BACH2: variants seen among roughly 807,000 people sequenced by gnomAD.
BACH2 encodes transcription regulator protein BACH2.
BACH2 carries 5 observed loss-of-function variants against 61.8 expected under a neutral mutation model. The ratio of observed to expected loss-of-function variants is 0.08; its 90% confidence interval spans 0.04 to 0.17. The LOEUF (loss-of-function observed/expected upper bound fraction) is 0.17, where lower values mean the gene tolerates loss of function less well. BACH2 is among the 10% of genes least tolerant of loss of function. BACH2 has a pLI of 1.00. For synonymous variants in BACH2, 446 were observed against 440.1 expected, an observed-to-expected ratio of 1.01 and a Z score of -0.17; for missense variants, 824 against 1,091.1, an observed-to-expected ratio of 0.76 and a Z score of 3.45.
At chr6:89,969,994 A>C (rs993873792) in intron 6 of BACH2, among the ~76,000 whole-genome samples, 5 of 152,202 alleles carry the variant, frequency 3.3e-5, no homozygotes, top group African/African-American at 9.7e-5. Context: ...GCTTGGAAAA[A>C]ATAAAAATCC....
chr6:90,193,245 T>C (rs1238303721), intron 4 of BACH2, among the ~76,000 whole-genome samples: 2 of 152,212 alleles, frequency 1.3e-5, no homozygotes, highest in African/African-American at 4.8e-5. Context: ...GAAAGTGACC[T>C]TATTTGAAAA....
intron 5 of BACH2, among the ~76,000 whole-genome samples, chr6:90,079,131 C>T (rs1781606434): frequency 1.3e-5 from 2 of 152,170 alleles, no homozygotes; most frequent in African/African-American, 4.8e-5. Flanking sequence ...TTTCTTCTAG[C>T]CACAAACGGA....
chr6:90,182,669 G>A (rs1333862205), intron 4 of BACH2, among the ~76,000 whole-genome samples: 1 of 152,140 alleles, frequency 6.6e-6, no homozygotes, highest in Non-Finnish European at 1.5e-5. Flanking sequence ...TAATTCACAA[G>A]GTAAATAAGT....
chr6:90,053,052 A>G (rs1780134260), intron 5 of BACH2, among the ~76,000 whole-genome samples: 1 of 152,116 alleles, frequency 6.6e-6, no homozygotes, highest in Non-Finnish European at 1.5e-5. Context: ...TTCTTTTAGC[A>G]GTTACCCTTG....
chr6:90,285,852 T>C (rs1772003288), intron 1 of BACH2, among the ~76,000 whole-genome samples: 1 of 152,334 alleles, frequency 6.6e-6, no homozygotes, highest in East Asian at 1.9e-4. Context: ...AGTGCTGACA[T>C]GCTAAATTAC....
intron 4 of BACH2, among the ~76,000 whole-genome samples, chr6:90,183,001 A>G (rs1768220838): frequency 6.6e-6 from 1 of 152,204 alleles, no homozygotes; most frequent in African/African-American, 2.4e-5. Flanking sequence ...TAATATTTTG[A>G]GAACACACCA....
intron 2 of BACH2, among the ~76,000 whole-genome samples, chr6:90,268,828 TAC>T (rs1347342205): frequency 1.3e-5 from 2 of 152,120 alleles, no homozygotes; most frequent in Non-Finnish European, 2.9e-5. Context: ...CTATTGAGAA[TAC>T]ATGCTAATAT....
intron 4 of BACH2, among the ~76,000 whole-genome samples, chr6:90,101,368 T>C (rs1782619014): frequency 6.6e-6 from 1 of 152,242 alleles, no homozygotes; most frequent in Non-Finnish European, 1.5e-5. Context: ...TTTTAGAATT[T>C]TTGCTTGCAT....
intron 5 of BACH2, among the ~76,000 whole-genome samples, chr6:90,014,468 ATTTTTTT>A (rs1164045089): frequency 2.5e-3 from 81 of 32,232 alleles, no homozygotes; most frequent in Middle Eastern, 0.025. Flanking sequence ...ATATATATAT[ATTTTTTT>A]TTTTTTTTTT....
intron 4 of BACH2, among the ~76,000 whole-genome samples, chr6:90,170,554 T>C (rs1469891225): frequency 6.6e-6 from 1 of 152,214 alleles, no homozygotes; most frequent in Non-Finnish European, 1.5e-5. Context: ...AACTCCATTT[T>C]AGAAGACCAA....
At chr6:90,281,107 T>A (rs1177596881) in intron 1 of BACH2, among the ~76,000 whole-genome samples, 1 of 152,134 alleles carries the variant, frequency 6.6e-6, no homozygotes, top group East Asian at 1.9e-4. Flanking sequence ...GACCTGAGAG[T>A]AGTTGAGTGA....
intron 4 of BACH2, among the ~76,000 whole-genome samples, chr6:90,144,594 C>T (rs1562472053): frequency 1.3e-5 from 2 of 152,182 alleles, no homozygotes; most frequent in African/African-American, 4.8e-5. Context: ...CGGGAAAGCA[C>T]CTTCAGGAAC....
At chr6:90,122,515 G>C (rs1363765979) in intron 4 of BACH2, among the ~76,000 whole-genome samples, 1 of 152,208 alleles carries the variant, frequency 6.6e-6, no homozygotes, top group Non-Finnish European at 1.5e-5. Flanking sequence ...CTTGAGGGCT[G>C]GGATGGGGAA....
intron 3 of BACH2, among the ~76,000 whole-genome samples, chr6:90,235,647 G>GAC (rs1442735383): frequency 6.6e-6 from 1 of 152,204 alleles, no homozygotes; most frequent in Non-Finnish European, 1.5e-5. Flanking sequence ...GTGAGACCCT[G>GAC]TCTCTAAAAA....
At chr6:90,030,623 T>G (rs1473747177) in intron 5 of BACH2, among the ~76,000 whole-genome samples, 1 of 151,996 alleles carries the variant, frequency 6.6e-6, no homozygotes, top group Non-Finnish European at 1.5e-5. Flanking sequence ...ATAAATTCCT[T>G]GACACATACA....
rs367693277 is a variant in BACH2, at chr6:90,100,728, G to GACACACACACACACACACACACAGAC, written c.-161-11620_-161-11619insGTCTGTGTGTGTGTGTGTGTGTGTGT. Among the ~76,000 whole-genome samples, 511 of 142,362 alleles carry GACACACACACACACACACACACAGAC rather than the reference G, an allele frequency of 3.6e-3. 3 individuals are homozygous for GACACACACACACACACACACACAGAC. Among genetic ancestry groups the GACACACACACACACACACACACAGAC allele is most frequent in the African/African-American group, 0.013 (482 of 38,360 alleles). 93.4% of individuals were successfully genotyped at this position (142,362 alleles called of 152,430 possible). ...ACACACACACACACACACACACACA[G>GACACACACACACACACACACACAGAC]ACACACACACACACACACACACCCT... On this transcript the variant is annotated intron_variant, in intron 4 of 8. Transcript: ENST00000257749.
intron 5 of BACH2, among the ~76,000 whole-genome samples, chr6:90,056,470 A>G (rs1453930381): frequency 6.6e-6 from 1 of 152,178 alleles, no homozygotes; most frequent in Non-Finnish European, 1.5e-5. Flanking sequence ...AGATTCATAA[A>G]GCAAGTCCTG....
At chr6:89,946,041 A>AT (rs888940019) in intron 7 of BACH2, among the ~76,000 whole-genome samples, 4 of 152,230 alleles carry the variant, frequency 2.6e-5, no homozygotes, top group East Asian at 1.9e-4. Context: ...TAAAACTAAT[A>AT]TTTTTTTATA....
chr6:90,062,830 T>G, intron 5 of BACH2: 22 of 676,246 alleles, frequency 3.3e-5, no homozygotes, highest in Admixed American at 6.3e-5. Context: ...TGAATAATCC[T>G]GAGAGCAGTG....
Sources: allele counts gnomAD v4.1 joint callset (sites outside exome capture counted in the v4.1 genomes callset), GRCh38; gene constraint gnomAD v4.1.1; transcripts MANE v1.5; gene names NCBI Gene and HGNC (gene_info 2026-07-23, HGNC 2026-07-21).